The following ZNF107 variants were observed in gnomAD, a reference collection of about 807,000 sequenced individuals.
The protein encoded by ZNF107 is C2H2 type zinc-finger protein.
A neutral mutation model predicts 12.3 loss-of-function variants in ZNF107; 19 were observed. The observed-to-expected ratio is 1.55, with a 90% CI of 1.08 to 2.27. ZNF107 has a LOEUF of 2.27. Among genes scored for constraint, ZNF107 ranks in the 30% most tolerant of loss-of-function variants. The pLI, the probability that ZNF107 is intolerant of heterozygous loss-of-function variation, is 0.00. For synonymous variants in ZNF107, 317 were observed against 330.5 expected (o/e 0.96, Z 0.44); for missense variants, 958 against 979.9 (o/e 0.98, Z 0.30).
intron 1 of ZNF107, chr7:64,679,455 CT>C: frequency 1.3e-6 from 1 of 788,088 alleles, no homozygotes; most frequent in Non-Finnish European, 1.5e-6. Flanking sequence ...ACAGGCTTCC[CT>C]AGGTGACTGG....
At chr7:64,674,627 C>G (rs2902328) in intron 1 of ZNF107, among the ~76,000 whole-genome samples, 54,571 of 152,002 alleles carry the variant, frequency 0.36, 10,728 homozygotes, top group South Asian at 0.52. Flanking sequence ...GTGAGGACCA[C>G]CAATTCTATG....
intron 1 of ZNF107, among the ~76,000 whole-genome samples, chr7:64,674,851 A>G (rs1789361262): frequency 6.6e-6 from 1 of 152,128 alleles, no homozygotes; most frequent in Non-Finnish European, 1.5e-5. Context: ...TTCTGCATCT[A>G]TTGCGATAAT....
intron 1 of ZNF107, among the ~76,000 whole-genome samples, chr7:64,679,582 T>G (rs2128958620): frequency 6.6e-6 from 1 of 152,262 alleles, no homozygotes; most frequent in South Asian, 2.1e-4. Flanking sequence ...TGTCTCTCTG[T>G]TTCTTCAGTC....
chr7:64,669,170 C>T (rs1251505479), intron 1 of ZNF107: 1 of 151,844 alleles, frequency 6.6e-6, no homozygotes, highest in Non-Finnish European at 1.5e-5. Flanking sequence ...CATGCACCAC[C>T]ATGCCCAGGT....
chr7:64,687,641 TATGGATGA>T (rs1195156948), intron 1 of ZNF107: 1 of 860,834 alleles, frequency 1.2e-6, no homozygotes, highest in African/African-American at 1.8e-5. Flanking sequence ...AATTAGCATA[TATGGATGA>T]CCTCCCAAAT....
chr7:64,683,116 C>T (rs1412709734), intron 1 of ZNF107, among the ~76,000 whole-genome samples: 1 of 152,228 alleles, frequency 6.6e-6, no homozygotes, highest in Non-Finnish European at 1.5e-5. Context: ...CACCACCTCT[C>T]AGCAAGCTGA....
At chr7:64,701,795 A>G (rs576798687) in intron 3 of ZNF107, among the ~76,000 whole-genome samples, 5 of 151,682 alleles carry the variant, frequency 3.3e-5, no homozygotes, top group African/African-American at 9.7e-5. Flanking sequence ...GATTTTTTGT[A>G]TTTTTTGTAG....
intron 3 of ZNF107, among the ~76,000 whole-genome samples, chr7:64,695,143 C>A (rs879563298): frequency 1.3e-5 from 2 of 151,868 alleles, no homozygotes; most frequent in Non-Finnish European, 2.9e-5. Context: ...TTCTCTTTAG[C>A]AATGTAAGGG....
At chr7:64,694,068 G>A (rs1243885249) in intron 3 of ZNF107, among the ~76,000 whole-genome samples, 2 of 152,094 alleles carry the variant, frequency 1.3e-5, no homozygotes, top group Non-Finnish European at 2.9e-5. Context: ...GATTACAGGC[G>A]TGAGCCACCA....
At chr7:64,699,758 A>G (rs1354536375) in intron 3 of ZNF107, among the ~76,000 whole-genome samples, 1 of 152,096 alleles carries the variant, frequency 6.6e-6, no homozygotes, top group African/African-American at 2.4e-5. Context: ...AGAATACGCC[A>G]GGTGCAAATA....
chr7:64,708,465 A>G lies in ZNF107; in HGVS notation c.2368A>G (p.Lys790Glu). The G allele has an allele frequency of 6.2e-7, 1 of 1,609,658 alleles. No individual in the cohort carries two copies. The highest frequency in any genetic ancestry group is 8.5e-7 in the Non-Finnish European group (1 of 1,177,370). Residue 790 changes from lysine to glutamate, a missense_variant, in exon 4 of 4, where the codon AAA becomes GAA. Lys to Glu is a moderately conservative substitution (Grantham distance 56, BLOSUM62 1). Transcript: ENST00000620827. Reference protein sequence around the residue: ...KKIHTSEKPYKCEECGKSFNQ... With the variant: ...KKIHTSEKPYECEECGKSFNQ... ...AATTCATACTTCAGAGAAACCCTACAAATGTGAAGAATGTGGCAAATCCTT... is the reference window on the plus strand; with the variant it reads ...AATTCATACTTCAGAGAAACCCTACGAATGTGAAGAATGTGGCAAATCCTT...
chr7:64,701,553 A>G (rs987802363), intron 3 of ZNF107, among the ~76,000 whole-genome samples: 2 of 151,726 alleles, frequency 1.3e-5, no homozygotes, highest in Admixed American at 6.6e-5. Context: ...TTAGTCTCTT[A>G]TAGGCAGCAT....
chr7:64,671,874 C>A (rs1196987527), intron 1 of ZNF107, among the ~76,000 whole-genome samples: 2 of 150,950 alleles, frequency 1.3e-5, no homozygotes, highest in Non-Finnish European at 3.0e-5. Flanking sequence ...CTCTGCCTCC[C>A]GGGTTCAGGC....
intron 1 of ZNF107, among the ~76,000 whole-genome samples, chr7:64,682,507 C>T (rs1789723768): frequency 6.6e-6 from 1 of 152,144 alleles, no homozygotes; most frequent in African/African-American, 2.4e-5. Context: ...AGACAGCCTC[C>T]TCACTGGCGT....
intron 1 of ZNF107, chr7:64,687,141 G>A (rs1562833113): frequency 1.0e-6 from 1 of 985,282 alleles, no homozygotes; most frequent in Non-Finnish European, 1.2e-6. Context: ...TTTTCAGAGT[G>A]AGCTGTTTTT....
At chr7:64,673,827 A>C (rs907130778) in intron 1 of ZNF107, among the ~76,000 whole-genome samples, 1 of 152,212 alleles carries the variant, frequency 6.6e-6, no homozygotes, top group African/African-American at 2.4e-5. Flanking sequence ...TTAAATACGG[A>C]ATTCTTCCCG....
intron 1 of ZNF107, chr7:64,679,097 C>A: frequency 1.7e-5 from 9 of 525,630 alleles, no homozygotes; most frequent in Non-Finnish European, 2.2e-5. Context: ...CCCAAGCAGG[C>A]TTTGTGTGAG....
In ZNF107 at chr7:64,707,542, A is replaced by G. The variant is rs1790707900; in HGVS notation, c.1445A>G (p.Lys482Arg). 1 of 1,613,264 alleles carries G rather than the reference A, an allele frequency of 6.2e-7. No individual in the cohort carries two copies. The highest frequency in any genetic ancestry group is 1.3e-5 in the African/African-American group (1 of 75,012). ...ATTTATTCTGGAGAGAAACCATACA[A>G]ATGTGAAGAATGTGGAAAAGCTTTT... ...RKIYSGEKPY[K>R]CEECGKAFNR... The change falls in exon 4 of 4, where the codon AAA becomes AGA. Residue 482 changes from lysine to arginine, a missense_variant. Transcript: ENST00000620827.
At chr7:64,702,776 C>T (rs1188288835) in intron 3 of ZNF107, among the ~76,000 whole-genome samples, 1 of 151,734 alleles carries the variant, frequency 6.6e-6, no homozygotes, top group East Asian at 2.0e-4. Context: ...AGGCTGTTCT[C>T]GAACTCTCCC....
Sources: allele counts gnomAD v4.1 joint callset (sites outside exome capture counted in the v4.1 genomes callset), GRCh38; gene constraint gnomAD v4.1.1; transcripts MANE v1.5; gene names NCBI Gene and HGNC (gene_info 2026-07-23, HGNC 2026-07-21).